ZNF493: variants seen among roughly 807,000 people sequenced by gnomAD.
ZNF493 encodes zinc finger protein 493.
ZNF493 carries 11 observed loss-of-function variants against 12.2 expected under a neutral mutation model. The ratio of observed to expected loss-of-function variants is 0.90; its 90% CI spans 0.57 to 1.50. The LOEUF (loss-of-function observed/expected upper bound fraction) is 1.50. ZNF493 is among the 40% of genes most tolerant of loss of function. The pLI is 0.00. For missense variants in ZNF493, 950 were observed against 906.6 expected, an observed-to-expected ratio of 1.05 and a Z score of -0.61; for synonymous variants, 286 against 302.6, an observed-to-expected ratio of 0.95 and a Z score of 0.57.
Position 21,425,033 on chromosome 19 carries a change from T to C in ZNF493, c.*49T>C, listed in dbSNP as rs779940087. 14 of 1,564,738 alleles carry C rather than the reference T, an allele frequency of 8.9e-6. No individual in the cohort carries two copies. Among genetic ancestry groups the C allele is most frequent in the Middle Eastern group, 1.7e-4 (1 of 5,790 alleles). On this transcript the variant is annotated 3_prime_UTR_variant, in exon 4 of 4. Coordinates refer to ENST00000392288, the MANE Select transcript of ZNF493 (RefSeq NM_001076678.3). The stretch of plus-strand genomic sequence containing the variant: ...GCTCCTATTCCCTTACTAAAGAATG[T>C]GGCAAAGCTTTTCACCAGTACTTTA...
intron 3 of ZNF493, among the ~76,000 whole-genome samples, chr19:21,419,730 A>G (rs1219752298): frequency 6.6e-6 from 1 of 152,150 alleles, no homozygotes; most frequent in Non-Finnish European, 1.5e-5. Context: ...GCATCCTTCA[A>G]TCAAGTTGAC....
At chr19:21,417,029 G>A (rs1252845767) in intron 3 of ZNF493, among the ~76,000 whole-genome samples, 2 of 152,166 alleles carry the variant, frequency 1.3e-5, no homozygotes, top group Non-Finnish European at 2.9e-5. Flanking sequence ...ACAGGGGTGA[G>A]GGAATGGCCT....
intron 3 of ZNF493, among the ~76,000 whole-genome samples, chr19:21,421,980 G>A (rs1035238795): frequency 1.3e-5 from 2 of 152,136 alleles, no homozygotes; most frequent in African/African-American, 4.8e-5. Flanking sequence ...TGAATAGCTA[G>A]GACTACAGAT....
intron 3 of ZNF493, among the ~76,000 whole-genome samples, chr19:21,419,031 G>A (rs1402416189): frequency 1.3e-5 from 2 of 152,182 alleles, no homozygotes; most frequent in Admixed American, 1.3e-4. Context: ...TAAGCTCAGT[G>A]CTTTGCTGAG....
At position 21,424,036 on chromosome 19, in the gene ZNF493, A is replaced by G. The variant is rs760677875; in HGVS notation, c.1377A>G (p.Lys459=). ...TKHKIIHTEE[K]PYKCEECGKA... is the part of the protein sequence containing the mutation. ...ATAAAATAATTCATACAGAAGAGAA[A>G]CCCTACAAATGTGAAGAATGTGGCA... Residue 459 remains lysine, a synonymous_variant, in exon 4 of 4, where the codon AAA becomes AAG. Transcript: ENST00000392288. The G allele has an allele frequency of 6.2e-7, 1 of 1,613,586 alleles. No individual in the cohort carries two copies. The highest frequency in any genetic ancestry group is 8.5e-7 in the Non-Finnish European group (1 of 1,179,788).
intron 3 of ZNF493, among the ~76,000 whole-genome samples, chr19:21,410,896 AG>A (rs1462559767): frequency 2.0e-5 from 3 of 152,048 alleles, no homozygotes; most frequent in Non-Finnish European, 4.4e-5. Flanking sequence ...AAGTTCAAGC[AG>A]TTCTCCTCCC....
chr19:21,417,778 C>T (rs965387073), intron 3 of ZNF493, among the ~76,000 whole-genome samples: 1 of 152,134 alleles, frequency 6.6e-6, no homozygotes, highest in African/African-American at 2.4e-5. Flanking sequence ...ATGGAAGCTT[C>T]ATCTGCCCAC....
At chr19:21,412,043 G>A (rs544956601) in intron 3 of ZNF493, 1 of 152,146 alleles carries the variant, frequency 6.6e-6, no homozygotes, top group Admixed American at 6.5e-5. Context: ...AGCTCAGTCG[G>A]GGAGACCCTA....
At chr19:21,405,593 C>T in intron 2 of ZNF493, 168 bp from the exon 3 acceptor site, 3 of 1,113,804 alleles carry the variant, frequency 2.7e-6, no homozygotes, top group South Asian at 2.2e-5. Context: ...AATTAAGCAC[C>T]TACAAATTTA....
intron 1 of ZNF493, among the ~76,000 whole-genome samples, chr19:21,404,510 CCTTT>C (rs1419968740): frequency 6.6e-6 from 1 of 152,072 alleles, no homozygotes; most frequent in Non-Finnish European, 1.5e-5. Context: ...CTGGCAGCTG[CCTTT>C]CTTTGTTAGG....
intron 1 of ZNF493, among the ~76,000 whole-genome samples, chr19:21,403,357 T>G (rs1268527629): frequency 6.6e-6 from 1 of 152,186 alleles, no homozygotes; most frequent in Non-Finnish European, 1.5e-5. Flanking sequence ...GTCACCCATA[T>G]TTTCATTACT....
rs2030851457 is a variant in ZNF493 at position 21,426,166 on chromosome 19, TC to T, written c.*1183del. On this transcript the variant is annotated 3_prime_UTR_variant, in exon 4 of 4. Transcript: ENST00000392288. ...CAAACTTTTCTAATCATAAAAGAAATCATATTGGTGAGAAATCCTAGAAATG... is the reference window on the plus strand; with the variant it reads ...CAAACTTTTCTAATCATAAAAGAAATATATTGGTGAGAAATCCTAGAAATG... 4.2e-6 allele frequency: 1 copy of T among 236,882 alleles called. No individual in the cohort carries two copies. 14.7% of individuals were successfully genotyped at this position (236,882 alleles called of 1,614,324 possible).
At chr19:21,407,955 AG>A (rs1201013817) in intron 3 of ZNF493, 4 of 985,138 alleles carry the variant, frequency 4.1e-6, no homozygotes, top group Non-Finnish European at 4.8e-6. Flanking sequence ...TGATTTCAGG[AG>A]GTAAAGATCT....
Position 21,408,207 on chromosome 19 carries a change from C to G in ZNF493, c.253+2351C>G, listed in dbSNP as rs901829205. ...GTGGTGTGATCTCAGCTCATCAAAA[C>G]TTTTGCCTCCCTAGTTCAAGCGATT... is the stretch of plus-strand genomic sequence containing the variant. On this transcript the variant is annotated intron_variant, in intron 3 of 3. Coordinates refer to ENST00000392288, the MANE Select transcript of ZNF493 (RefSeq NM_001076678.3). The G allele has an allele frequency of 3.4e-6, 3 of 889,464 alleles. No individual in the cohort carries two copies. The African/African-American group carries it at 6.2e-5, about 18-fold the overall frequency. The allele number at this position is 889,464 out of a possible 1,614,324, so 55.1% of individuals were successfully genotyped here.
intron 3 of ZNF493, among the ~76,000 whole-genome samples, chr19:21,419,986 C>T (rs2030607760): frequency 6.6e-6 from 1 of 152,194 alleles, no homozygotes; most frequent in South Asian, 2.1e-4. Flanking sequence ...GGCCACTCCT[C>T]TCCCAGGACA....
Position 21,397,355 on chromosome 19 carries a change from C to T in ZNF493, c.30+88C>T, listed in dbSNP as rs774642678. 56 of 1,460,802 alleles carry T rather than the reference C, an allele frequency of 3.8e-5. 1 individual carries two copies. The South Asian group carries it at 6.1e-4, about 16-fold the overall frequency. 90.5% of individuals were successfully genotyped at this position (1,460,802 alleles called of 1,614,324 possible). On this transcript the variant is annotated intron_variant, in intron 1 of 3. Transcript: ENST00000392288. The stretch of plus-strand genomic sequence containing the variant: ...TGGCTGTGGCGGGACTCAGGCCTCC[C>T]CGCAGTCAGCTCCACAATCTGCTCC...
rs767539605 is a variant in ZNF493 at position 21,426,913 on chromosome 19, G to T, written c.*1929G>T. On this transcript the variant is annotated 3_prime_UTR_variant, in exon 4 of 4. Coordinates refer to ENST00000392288, the MANE Select transcript of ZNF493 (RefSeq NM_001076678.3). ...GTATATAATGTTAAGAGGAGTAAAA[G>T]ATTTTTTGTAGAATAATAACTATAT... 6.6e-5 allele frequency: 11 copies of T among 166,872 alleles called. No individual in the cohort carries two copies. Among genetic ancestry groups the T allele is most frequent in the Non-Finnish European group, 1.3e-4 (9 of 68,052 alleles). 10.3% of individuals were successfully genotyped at this position (166,872 alleles called of 1,614,324 possible). A position where few individuals can be genotyped will look rare whatever the true frequency, so the allele number is the denominator to read the frequency against.
chr19:21,401,808 A>G (rs1347980876), intron 1 of ZNF493, among the ~76,000 whole-genome samples: 2 of 151,904 alleles, frequency 1.3e-5, no homozygotes, highest in Non-Finnish European at 2.9e-5. Context: ...TATTTTTAGT[A>G]GAGATGGGGT....
chr19:21,400,205 A>T, intron 1 of ZNF493, among the ~76,000 whole-genome samples: 3 of 152,196 alleles, frequency 2.0e-5, no homozygotes, highest in Admixed American at 1.3e-4. Context: ...AGGTCAAGAG[A>T]TCAAGACCAT....
Sources: gnomAD v4.1 joint callset for allele counts (sites outside exome capture counted in the v4.1 genomes callset) on GRCh38, gnomAD v4.1.1 for gene constraint, MANE v1.5 for transcripts, NCBI Gene and HGNC (gene_info 2026-07-23, HGNC 2026-07-21) for gene names.